Variants in LRRTM4 observed in about 807,000 individuals in gnomAD.
LRRTM4 encodes leucine-rich repeat transmembrane neuronal protein 4.
LRRTM4 carries 25 observed loss-of-function variants against 47.6 expected under a neutral mutation model. The ratio of observed to expected loss-of-function variants is 0.53; its 90% confidence interval spans 0.38 to 0.73. The LOEUF is 0.73. Among genes scored for constraint, LRRTM4 ranks in the 30% least tolerant of loss-of-function variants. LRRTM4 has a pLI of 0.00. For missense variants in LRRTM4, 638 were observed against 713.4 expected, an observed-to-expected ratio of 0.89 and a Z score of 1.20; for synonymous variants, 311 against 269.5, an observed-to-expected ratio of 1.15 and a Z score of -1.51.
intron 3 of LRRTM4, among the ~76,000 whole-genome samples, chr2:76,997,292 G>A (rs13401863): frequency 1.3e-5 from 2 of 151,972 alleles, no homozygotes; most frequent in Non-Finnish European, 2.9e-5. Flanking sequence ...AAATACAGCA[G>A]TAGAGCTCAT....
intron 3 of LRRTM4, among the ~76,000 whole-genome samples, chr2:77,094,098 C>G (rs1226806076): frequency 6.6e-6 from 1 of 151,984 alleles, no homozygotes; most frequent in African/African-American, 2.4e-5. Context: ...ACTATGAGAA[C>G]TAATAATTTT....
At chr2:77,378,114 A>C (rs902563069) in intron 3 of LRRTM4, among the ~76,000 whole-genome samples, 1 of 151,918 alleles carries the variant, frequency 6.6e-6, no homozygotes, top group Admixed American at 6.6e-5. Context: ...ATTACAAATT[A>C]CAAGATCTAC....
chr2:77,286,424 A>C (rs1483117720), intron 3 of LRRTM4, among the ~76,000 whole-genome samples: 2 of 151,912 alleles, frequency 1.3e-5, no homozygotes, highest in African/African-American at 2.4e-5. Context: ...TCTTTAATTA[A>C]AAATAGTTAA....
intron 3 of LRRTM4, among the ~76,000 whole-genome samples, chr2:77,058,352 T>A (rs1679674713): frequency 6.6e-6 from 1 of 152,136 alleles, no homozygotes; most frequent in Non-Finnish European, 1.5e-5. Context: ...CTACCGACCA[T>A]GAAAGCCAAG....
At chr2:77,219,033 T>C (rs1674542420) in intron 3 of LRRTM4, among the ~76,000 whole-genome samples, 2 of 152,176 alleles carry the variant, frequency 1.3e-5, no homozygotes, top group South Asian at 2.1e-4. Context: ...GTGAGAAATA[T>C]TAAAATCAGA....
intron 3 of LRRTM4, among the ~76,000 whole-genome samples, chr2:76,911,985 A>G (rs1476506519): frequency 7.0e-6 from 1 of 143,098 alleles, no homozygotes; most frequent in Non-Finnish European, 1.5e-5. Flanking sequence ...GCTGGAGTGC[A>G]GTGGCCGATC....
chr2:77,207,142 T>A (rs10208558), intron 3 of LRRTM4, among the ~76,000 whole-genome samples: 36 of 136,850 alleles, frequency 2.6e-4, no homozygotes, highest in African/African-American at 9.7e-4. Flanking sequence ...TATTTTATAT[T>A]TATATATATA....
At chr2:77,229,710 T>G (rs1045628449) in intron 3 of LRRTM4, among the ~76,000 whole-genome samples, 1 of 152,168 alleles carries the variant, frequency 6.6e-6, no homozygotes, top group Non-Finnish European at 1.5e-5. Flanking sequence ...CTGCCAGACT[T>G]AGCAATAGTA....
chr2:77,513,128 C>T (rs6751328), intron 3 of LRRTM4, among the ~76,000 whole-genome samples: 2,776 of 152,232 alleles, frequency 0.018, 73 homozygotes, highest in African/African-American at 0.061. Context: ...AAGACATATA[C>T]GTGTGTGGGA....
intron 3 of LRRTM4, among the ~76,000 whole-genome samples, chr2:77,465,601 TG>T (rs1378431027): frequency 6.6e-6 from 1 of 151,804 alleles, no homozygotes; most frequent in Non-Finnish European, 1.5e-5. Context: ...TGGGGAAGGG[TG>T]GGGGTCAAGG....
At chr2:77,138,629 G>T (rs1193073537) in intron 3 of LRRTM4, among the ~76,000 whole-genome samples, 1 of 152,120 alleles carries the variant, frequency 6.6e-6, no homozygotes, top group Non-Finnish European at 1.5e-5. Context: ...GATCAGAGCA[G>T]AACTGAAGGA....
intron 3 of LRRTM4, among the ~76,000 whole-genome samples, chr2:77,093,943 A>C (rs1462763973): frequency 1.3e-5 from 2 of 150,072 alleles, no homozygotes; most frequent in Non-Finnish European, 2.9e-5. Context: ...CAGAGAACAA[A>C]CCCGCTTTGA....
At chr2:76,823,037 T>A (rs542100235) in intron 3 of LRRTM4, among the ~76,000 whole-genome samples, 25 of 151,522 alleles carry the variant, frequency 1.6e-4, no homozygotes, top group Admixed American at 6.6e-5. Context: ...CCAAAAACAC[T>A]ACAGGTAAAA....
In LRRTM4 at chr2:77,513,714, C is replaced by T. The variant is rs112104727; in HGVS notation, c.1551+4604G>A. The stretch of plus-strand genomic sequence containing the variant: ...CCTAGTAACTGAGATTATAGCTGTG[C>T]GCCACCATGACCTGCTAATTTTTGT... On this transcript the variant is annotated intron_variant, in intron 3 of 3. Coordinates refer to ENST00000409884, the MANE Select transcript of LRRTM4 (RefSeq NM_001134745.3). Among the ~76,000 whole-genome samples the T allele has an allele frequency of 4.8e-3, 731 of 151,998 alleles. 7 individuals are homozygous for T. The highest frequency in any genetic ancestry group is 0.017 in the African/African-American group (712 of 41,476).
chr2:76,978,572 T>C (rs891650227), intron 3 of LRRTM4, among the ~76,000 whole-genome samples: 13 of 152,090 alleles, frequency 8.5e-5, no homozygotes, highest in Admixed American at 7.9e-4. Context: ...ACTGGTGAGA[T>C]AGCACAGTGC....
At chr2:77,095,588 C>A (rs1200456621) in intron 3 of LRRTM4, among the ~76,000 whole-genome samples, 2 of 151,656 alleles carry the variant, frequency 1.3e-5, no homozygotes, top group African/African-American at 4.9e-5. Context: ...TCACTGCAAC[C>A]TCCCCCTCCC....
At chr2:77,400,571 T>C (rs993109180) in intron 3 of LRRTM4, among the ~76,000 whole-genome samples, 1 of 151,894 alleles carries the variant, frequency 6.6e-6, no homozygotes, top group African/African-American at 2.4e-5. Flanking sequence ...AGTCTCATGA[T>C]GATATAGAGC....
At chr2:76,914,057 C>T (rs1478499345) in intron 3 of LRRTM4, among the ~76,000 whole-genome samples, 2 of 151,412 alleles carry the variant, frequency 1.3e-5, no homozygotes, top group Non-Finnish European at 2.9e-5. Flanking sequence ...TTTTATACAG[C>T]AAAGTTTGAA....
At chr2:77,032,596 T>C (rs1311451544) in intron 3 of LRRTM4, among the ~76,000 whole-genome samples, 1 of 152,150 alleles carries the variant, frequency 6.6e-6, no homozygotes, top group Admixed American at 6.6e-5. Flanking sequence ...AAGATCTGTT[T>C]TATTCAAATT....
Sources: gnomAD v4.1 joint callset for allele counts (sites outside exome capture counted in the v4.1 genomes callset) on GRCh38, gnomAD v4.1.1 for gene constraint, MANE v1.5 for transcripts, NCBI Gene and HGNC (gene_info 2026-07-23, HGNC 2026-07-21) for gene names.